The following LRRC4C variants were observed in gnomAD, a reference collection of about 807,000 sequenced individuals.
LRRC4C encodes the protein leucine rich repeat containing 4C.
Under a neutral mutation model 33.6 loss-of-function variants are expected in LRRC4C, and 5 were observed. The observed-to-expected ratio is 0.15, with a 90% CI of 0.08 to 0.31. The LOEUF (loss-of-function observed/expected upper bound fraction) is 0.31, where lower values mean the gene tolerates loss of function less well. Among genes scored for constraint, LRRC4C ranks in the 10% least tolerant of loss-of-function variants. The pLI, the probability that LRRC4C is intolerant of heterozygous loss-of-function variation, is 1.00. For missense variants in LRRC4C, 560 were observed against 796.7 expected, an observed-to-expected ratio of 0.70 and a Z score of 3.58; for synonymous variants, 329 against 302.0, an observed-to-expected ratio of 1.09 and a Z score of -0.93.
chr11:40,361,550 A>G (rs1156237741), intron 3 of LRRC4C, among the ~76,000 whole-genome samples: 1 of 152,216 alleles, frequency 6.6e-6, no homozygotes, highest in Admixed American at 6.5e-5. Context: ...CTAACCAGGG[A>G]GGTGAAATAT....
intron 2 of LRRC4C, among the ~76,000 whole-genome samples, chr11:40,796,991 A>G (rs1199025350): frequency 1.3e-5 from 2 of 152,182 alleles, no homozygotes; most frequent in East Asian, 3.9e-4. Context: ...CACACGCTAT[A>G]GAACTTGAGC....
At chr11:41,230,390 G>T (rs966715730) in intron 1 of LRRC4C, among the ~76,000 whole-genome samples, 7 of 152,052 alleles carry the variant, frequency 4.6e-5, no homozygotes, top group African/African-American at 1.7e-4. Context: ...CATTGATAAT[G>T]GTTTCCTTTC....
chr11:40,814,763 C>A (rs1397108666), intron 2 of LRRC4C, among the ~76,000 whole-genome samples: 2 of 151,874 alleles, frequency 1.3e-5, no homozygotes, highest in African/African-American at 4.8e-5. Flanking sequence ...AGGGCAGGGG[C>A]AAAATGCCAC....
chr11:40,600,019 G>T (rs183839703), intron 3 of LRRC4C, among the ~76,000 whole-genome samples: 39 of 152,320 alleles, frequency 2.6e-4, no homozygotes, highest in African/African-American at 8.9e-4. Context: ...GGTAAGCCCA[G>T]TGTATTCTCA....
chr11:40,759,904 A>G (rs1457691457), intron 2 of LRRC4C, among the ~76,000 whole-genome samples: 1 of 151,602 alleles, frequency 6.6e-6, no homozygotes, highest in Non-Finnish European at 1.5e-5. Context: ...AAAAAAAAAT[A>G]GAGAAAAAGG....
intron 3 of LRRC4C, among the ~76,000 whole-genome samples, chr11:40,488,545 G>A (rs1953987770): frequency 6.6e-6 from 1 of 152,006 alleles, no homozygotes. Flanking sequence ...TAGTGATTTG[G>A]TCCTTGTCTA....
intron 1 of LRRC4C, among the ~76,000 whole-genome samples, chr11:41,085,404 T>G (rs1192178604): frequency 1.3e-5 from 2 of 152,220 alleles, no homozygotes; most frequent in East Asian, 3.9e-4. Flanking sequence ...GTTGTAGCAG[T>G]AAGAAGTGGT....
At chr11:41,276,336 C>T (rs1008147718) in intron 1 of LRRC4C, among the ~76,000 whole-genome samples, 2 of 151,040 alleles carry the variant, frequency 1.3e-5, no homozygotes, top group Admixed American at 1.3e-4. Context: ...TGTGTTTTAG[C>T]TCCTTGAACA....
intron 6 of LRRC4C, among the ~76,000 whole-genome samples, chr11:40,125,156 G>A (rs535769146): frequency 2.8e-4 from 42 of 152,160 alleles, no homozygotes; most frequent in African/African-American, 1.0e-3. Flanking sequence ...CTGAACATGT[G>A]ACACAATTTG....
intron 2 of LRRC4C, among the ~76,000 whole-genome samples, chr11:40,912,522 G>A (rs1036478942): frequency 5.9e-5 from 9 of 152,156 alleles, no homozygotes; most frequent in Non-Finnish European, 1.0e-4. Context: ...CACCAGGCCT[G>A]CCCTAAAAGA....
At chr11:40,949,944 C>T (rs1351572355) in intron 1 of LRRC4C, among the ~76,000 whole-genome samples, 1 of 152,054 alleles carries the variant, frequency 6.6e-6, no homozygotes, top group African/African-American at 2.4e-5. Flanking sequence ...GAGTCAAGAC[C>T]CATCAGTGTG....
At chr11:41,052,764 C>G (rs1196983181) in intron 1 of LRRC4C, among the ~76,000 whole-genome samples, 1 of 152,076 alleles carries the variant, frequency 6.6e-6, no homozygotes, top group Non-Finnish European at 1.5e-5. Context: ...ATTCTTTATT[C>G]TGAAATTTTT....
chr11:41,033,666 A>G (rs1590303195), intron 1 of LRRC4C, among the ~76,000 whole-genome samples: 1 of 152,216 alleles, frequency 6.6e-6, no homozygotes, highest in South Asian at 2.1e-4. Flanking sequence ...AGTTGTTTTA[A>G]GACCCGGGGA....
chr11:40,431,608 C>G (rs897976282), intron 3 of LRRC4C, among the ~76,000 whole-genome samples: 2 of 151,832 alleles, frequency 1.3e-5, no homozygotes, highest in African/African-American at 4.8e-5. Flanking sequence ...GTTAAAAGTC[C>G]CCAAATATTA....
In LRRC4C at chr11:40,162,873, T is replaced by C. The variant is rs1590580070; in HGVS notation, c.-95-22020A>G. On this transcript the variant is annotated intron_variant, in intron 5 of 6. Coordinates refer to ENST00000528697, the MANE Select transcript of LRRC4C (RefSeq NM_001258419.2). Reference sequence around the variant, plus strand: ...CTTGTACTTCTAAGCACCTGTTTAGTGATCATTTTCATGAGATAGGATTTA... The same window carrying C: ...CTTGTACTTCTAAGCACCTGTTTAGCGATCATTTTCATGAGATAGGATTTA... Among the ~76,000 whole-genome samples, 4 of 152,214 alleles carry C rather than the reference T, an allele frequency of 2.6e-5. No homozygotes were observed. The South Asian group carries it at 8.3e-4, about 32-fold the overall frequency.
chr11:41,196,382 C>T (rs1253445190), intron 1 of LRRC4C, among the ~76,000 whole-genome samples: 1 of 152,084 alleles, frequency 6.6e-6, no homozygotes, highest in African/African-American at 2.4e-5. Context: ...TATCCAAAGA[C>T]ACTCATCAAC....
At chr11:40,384,036 A>T (rs1949005793) in intron 3 of LRRC4C, among the ~76,000 whole-genome samples, 1 of 149,476 alleles carries the variant, frequency 6.7e-6, no homozygotes, top group Non-Finnish European at 1.5e-5. Flanking sequence ...ATTTTCTCCC[A>T]TTATCTAGGT....
At chr11:41,355,355 A>G (rs1952123345) in intron 1 of LRRC4C, among the ~76,000 whole-genome samples, 1 of 152,104 alleles carries the variant, frequency 6.6e-6, no homozygotes. Flanking sequence ...ATCCACCAAA[A>G]TTACTCTGTG....
intron 1 of LRRC4C, among the ~76,000 whole-genome samples, chr11:41,148,089 G>A (rs1335827012): frequency 6.6e-6 from 1 of 152,014 alleles, no homozygotes; most frequent in East Asian, 1.9e-4. Context: ...CGCCATCTCG[G>A]CTCACTGTAA....
Sources: gnomAD v4.1 joint callset for allele counts (sites outside exome capture counted in the v4.1 genomes callset) on GRCh38, gnomAD v4.1.1 for gene constraint, MANE v1.5 for transcripts, NCBI Gene and HGNC (gene_info 2026-07-23, HGNC 2026-07-21) for gene names.